The following SPECC1L variants were observed in gnomAD, a reference collection of about 807,000 sequenced individuals.
The protein encoded by SPECC1L is cytospin-A.
In SPECC1L, 40 loss-of-function variants were observed where a neutral mutation model predicts 116.8. The ratio of observed to expected loss-of-function variants is 0.34; its 90% CI spans 0.27 to 0.45. SPECC1L has a LOEUF of 0.45. SPECC1L is among the 20% of genes least tolerant of loss of function. The pLI, the probability that SPECC1L is intolerant of heterozygous loss-of-function variation, is 1.00. For synonymous variants in SPECC1L, 504 were observed against 500.6 expected (o/e 1.01, Z -0.09); for missense variants, 1,110 against 1,373.6 (o/e 0.81, Z 3.03).
intron 14 of SPECC1L, among the ~76,000 whole-genome samples, chr22:24,402,573 T>A (rs895010520): frequency 6.6e-6 from 1 of 152,198 alleles, no homozygotes; most frequent in East Asian, 1.9e-4. Context: ...CTGAGTGCAC[T>A]GGGTTGCAGC....
At chr22:24,314,645 A>C (rs1340842947) in intron 4 of SPECC1L, among the ~76,000 whole-genome samples, 2 of 152,342 alleles carry the variant, frequency 1.3e-5, no homozygotes, top group East Asian at 3.9e-4. Flanking sequence ...GTTTCTGAGC[A>C]TGTGGATTTT....
intron 1 of SPECC1L, among the ~76,000 whole-genome samples, chr22:24,276,462 A>C (rs1273803208): frequency 6.6e-6 from 1 of 152,082 alleles, no homozygotes; most frequent in Non-Finnish European, 1.5e-5. Context: ...GGCATTGTCA[A>C]GATTTGTCAA....
intron 4 of SPECC1L, among the ~76,000 whole-genome samples, chr22:24,319,888 A>G (rs1039855217): frequency 6.6e-6 from 1 of 152,162 alleles, no homozygotes; most frequent in Non-Finnish European, 1.5e-5. Flanking sequence ...TGTGGATCTT[A>G]TTTTTTAACA....
intron 3 of SPECC1L, among the ~76,000 whole-genome samples, chr22:24,309,487 G>A (rs1371900945): frequency 1.3e-5 from 2 of 151,992 alleles, no homozygotes; most frequent in African/African-American, 2.4e-5. Flanking sequence ...TGCAACGTCC[G>A]TCTCCCGGGT....
At chr22:24,399,374 T>A (rs2042426816) in intron 14 of SPECC1L, among the ~76,000 whole-genome samples, 1 of 152,048 alleles carries the variant, frequency 6.6e-6, no homozygotes, top group Non-Finnish European at 1.5e-5. Flanking sequence ...ATCGAGACCA[T>A]CCTGGCTAAC....
chr22:24,311,092 GT>G (rs1298236222), intron 3 of SPECC1L, among the ~76,000 whole-genome samples: 2 of 152,104 alleles, frequency 1.3e-5, no homozygotes, highest in Non-Finnish European at 2.9e-5. Flanking sequence ...TATGGACTCT[GT>G]TTCACTAGTT....
intron 12 of SPECC1L, among the ~76,000 whole-genome samples, chr22:24,365,074 C>T (rs1388480281): frequency 6.6e-6 from 1 of 152,068 alleles, no homozygotes; most frequent in Non-Finnish European, 1.5e-5. Flanking sequence ...GTGGCGCAGT[C>T]TTGGCTTACT....
At chr22:24,318,338 G>A (rs945351431) in intron 4 of SPECC1L, among the ~76,000 whole-genome samples, 1 of 152,222 alleles carries the variant, frequency 6.6e-6, no homozygotes, top group African/African-American at 2.4e-5. Context: ...GGCCAACACA[G>A]CGAAACCCCG....
intron 14 of SPECC1L, among the ~76,000 whole-genome samples, chr22:24,375,988 C>A (rs903999421): frequency 8.6e-5 from 13 of 151,764 alleles, no homozygotes; most frequent in African/African-American, 2.9e-4. Context: ...ACAAAAAAAA[C>A]CCACAGTTTT....
intron 11 of SPECC1L, among the ~76,000 whole-genome samples, chr22:24,359,980 A>G (rs2041610927): frequency 6.6e-6 from 1 of 152,124 alleles, no homozygotes; most frequent in African/African-American, 2.4e-5. Context: ...CTAGACCCCA[A>G]GTTCCATGAG....
At chr22:24,295,821 G>A (rs1250244473) in intron 2 of SPECC1L, among the ~76,000 whole-genome samples, 5 of 152,044 alleles carry the variant, frequency 3.3e-5, no homozygotes, top group African/African-American at 4.8e-5. Flanking sequence ...GGTGGCAGGC[G>A]CCCATAATCC....
chr22:24,332,609 G>A (rs2040961291), intron 8 of SPECC1L, among the ~76,000 whole-genome samples: 1 of 152,052 alleles, frequency 6.6e-6, no homozygotes, highest in South Asian at 2.1e-4. Context: ...ATCAAAATAG[G>A]TTGAATACAG....
intron 15 of SPECC1L, chr22:24,412,300 C>T (rs922357756): frequency 1.5e-5 from 6 of 396,108 alleles, no homozygotes; most frequent in South Asian, 1.3e-4. Context: ...AGACAACCCT[C>T]GAAGATCCCT....
chr22:24,373,294 C>T (rs1407371619), intron 14 of SPECC1L, among the ~76,000 whole-genome samples: 2 of 152,190 alleles, frequency 1.3e-5, no homozygotes, highest in East Asian at 3.9e-4. Context: ...TCATATGGAA[C>T]CAAAAAAGGC....
chr22:24,407,235 G>T (rs557414715), intron 14 of SPECC1L, among the ~76,000 whole-genome samples: 1 of 152,364 alleles, frequency 6.6e-6, no homozygotes, highest in African/African-American at 2.4e-5. Flanking sequence ...GTACTCAAAT[G>T]TGAACTTCCT....
chr22:24,398,786 C>T (rs930315610), intron 14 of SPECC1L, among the ~76,000 whole-genome samples: 1 of 152,118 alleles, frequency 6.6e-6, no homozygotes, highest in Admixed American at 6.5e-5. Context: ...ATCCAGTTCC[C>T]CTAAAGAGGC....
chr22:24,417,645 A>G lies in SPECC1L; in HGVS notation c.*3022A>G. ...GGGTTTTGTTTGTTTTGAGGCATGT[A>G]TCATCTTGGAAATAATTGTCAGGAT... is the stretch of plus-strand genomic sequence containing the variant. On this transcript the variant is annotated 3_prime_UTR_variant, in exon 17 of 17. Transcript: ENST00000314328. 1 of 152,264 alleles carries G rather than the reference A, an allele frequency of 6.6e-6. No individual in the cohort carries two copies. Among genetic ancestry groups the G allele is most frequent in the African/African-American group, 2.4e-5 (1 of 41,472 alleles). The allele number at this position is 152,264 out of a possible 1,614,324, so 9.4% of individuals were successfully genotyped here.
intron 14 of SPECC1L, among the ~76,000 whole-genome samples, chr22:24,381,366 A>G (rs2146693736): frequency 6.6e-6 from 1 of 152,354 alleles, no homozygotes; most frequent in Middle Eastern, 3.4e-3. Flanking sequence ...TAAATGAACA[A>G]AATATTTTAG....
chr22:24,329,589 G>T (rs2040897950), intron 7 of SPECC1L, among the ~76,000 whole-genome samples: 2 of 152,192 alleles, frequency 1.3e-5, no homozygotes, highest in African/African-American at 2.4e-5. Flanking sequence ...TGCTTTAGGG[G>T]TGTAGGGGGC....
Sources: allele counts gnomAD v4.1 joint callset (sites outside exome capture counted in the v4.1 genomes callset), GRCh38; gene constraint gnomAD v4.1.1; transcripts MANE v1.5; gene names NCBI Gene and HGNC (gene_info 2026-07-23, HGNC 2026-07-21).